IREB2: variants seen among roughly 807,000 people sequenced by gnomAD.
IREB2 encodes the protein iron-responsive element-binding protein 2.
Under a neutral mutation model 118.8 loss-of-function variants are expected in IREB2, and 39 were observed. The observed-to-expected ratio is 0.33, with a 90% CI of 0.25 to 0.43. The LOEUF is 0.43. Ranked by LOEUF, IREB2 falls within the 20% of genes least tolerant of loss-of-function variation. IREB2 has a pLI of 1.00. For missense variants in IREB2, 900 were observed against 1,147.3 expected, an observed-to-expected ratio of 0.78 and a Z score of 3.11; for synonymous variants, 372 against 392.2, an observed-to-expected ratio of 0.95 and a Z score of 0.61.
At chr15:78,440,849 C>T (rs1436156917) in intron 2 of IREB2, among the ~76,000 whole-genome samples, 1 of 152,180 alleles carries the variant, frequency 6.6e-6, no homozygotes, top group Non-Finnish European at 1.5e-5. Context: ...AAACCTTTCT[C>T]TGTGGTCTCA....
chr15:78,444,619 G>C (rs1567161347), intron 2 of IREB2, among the ~76,000 whole-genome samples: 1 of 152,108 alleles, frequency 6.6e-6, no homozygotes, highest in Non-Finnish European at 1.5e-5. Flanking sequence ...TTTTAGGAGA[G>C]TTTTTATCAT....
At chr15:78,469,894 TA>T (rs1158945203) in intron 5 of IREB2, among the ~76,000 whole-genome samples, 1 of 152,214 alleles carries the variant, frequency 6.6e-6, no homozygotes, top group Admixed American at 6.5e-5. Context: ...TAAAAATAAC[TA>T]TTAGATAAAA....
chr15:78,461,727 A>G (rs892351211), intron 2 of IREB2, among the ~76,000 whole-genome samples: 1 of 152,164 alleles, frequency 6.6e-6, no homozygotes, highest in Non-Finnish European at 1.5e-5. Context: ...GTGAAATAAC[A>G]AAAAAATACT....
At chr15:78,469,067 G>A (rs1281902262) in intron 5 of IREB2, among the ~76,000 whole-genome samples, 1 of 151,954 alleles carries the variant, frequency 6.6e-6, no homozygotes, top group African/African-American at 2.4e-5. Flanking sequence ...CCATAATTTT[G>A]ACTCCGAATT....
chr15:78,485,588 G>C (rs1596010580), intron 12 of IREB2, 117 bp from the exon 13 acceptor site: 2 of 1,058,248 alleles, frequency 1.9e-6, no homozygotes, highest in East Asian at 5.0e-5. Context: ...ATGACAGTAA[G>C]TTTATGAATT....
At chr15:78,495,810 G>A (rs1399767844) in intron 20 of IREB2, among the ~76,000 whole-genome samples, 1 of 152,136 alleles carries the variant, frequency 6.6e-6, no homozygotes, top group Non-Finnish European at 1.5e-5. Flanking sequence ...AAGATACACA[G>A]CATCTTTGTG....
chr15:78,449,800 G>A (rs1251918509), intron 2 of IREB2, among the ~76,000 whole-genome samples: 2 of 152,010 alleles, frequency 1.3e-5, no homozygotes, highest in South Asian at 2.1e-4. Context: ...GCAGACCTCA[G>A]CATTTTTTTT....
rs568311498 is a variant in IREB2, at chr15:78,439,178, C to G, written c.20-617C>G. On this transcript the variant is annotated intron_variant, in intron 1 of 21. Transcript: ENST00000258886. Reference sequence around the variant, plus strand: ...TAGTTCAGCTTCAGTTCGTGCAAAACCAGAAGACTTGTCTCTTTCGGGTAG... The same window carrying G: ...TAGTTCAGCTTCAGTTCGTGCAAAAGCAGAAGACTTGTCTCTTTCGGGTAG... Among the ~76,000 whole-genome samples the G allele has an allele frequency of 2.2e-4, 33 of 152,290 alleles. 1 individual carries two copies. Among genetic ancestry groups the G allele is most frequent in the Admixed American group, 1.6e-3 (25 of 15,304 alleles).
Position 78,473,230 on chromosome 15 carries a change from T to C in IREB2, c.884-12T>C. The C allele has an allele frequency of 6.2e-7, 1 of 1,611,950 alleles. No homozygotes were observed. Among genetic ancestry groups the C allele is most frequent in the Non-Finnish European group, 8.5e-7 (1 of 1,178,616 alleles). On this transcript the variant is annotated splice_polypyrimidine_tract_variant and intron_variant, in intron 7 of 21. Coordinates refer to ENST00000258886, the MANE Select transcript of IREB2 (RefSeq NM_004136.4). Reference sequence around the variant, plus strand: ...ATATACTGTGCTAATATACCTGTCTTTATTACGTTAGGGGTTGGAGGCATT... The same window carrying C: ...ATATACTGTGCTAATATACCTGTCTCTATTACGTTAGGGGTTGGAGGCATT...
upstream of IREB2, chr15:78,438,185 G>A (rs558423307): frequency 2.1e-5 from 13 of 631,016 alleles, no homozygotes; most frequent in South Asian, 2.4e-4. Flanking sequence ...CAGACCCGGG[G>A]CTGGCTCTGC....
intron 14 of IREB2, 27 bp downstream of exon 14, chr15:78,487,844 C>G: frequency 7.6e-7 from 1 of 1,309,676 alleles, no homozygotes. Context: ...GGCAAGACAT[C>G]TAAATGATTT....
At chr15:78,490,892 G>T in intron 18 of IREB2, 131 bp downstream of exon 18, 3 of 777,514 alleles carry the variant, frequency 3.9e-6, no homozygotes, top group Non-Finnish European at 2.0e-6. Context: ...CAATGTGTTT[G>T]TCTTAAGCAA....
chr15:78,462,875 A>G (rs373170408), intron 2 of IREB2, 47 bp from the exon 3 acceptor site: 445 of 1,366,680 alleles, frequency 3.3e-4, no homozygotes, highest in Non-Finnish European at 4.0e-4. Flanking sequence ...AAAATAATAT[A>G]TAGGTATGAC....
At chr15:78,476,145 A>G in intron 8 of IREB2, 43 bp from the exon 9 acceptor site, 1 of 1,437,996 alleles carries the variant, frequency 7.0e-7, no homozygotes, top group Non-Finnish European at 9.4e-7. Context: ...TGCTAATCTT[A>G]TCTTTGCAAT....
intron 20 of IREB2, among the ~76,000 whole-genome samples, chr15:78,496,887 G>T (rs1231655586): frequency 1.3e-5 from 2 of 152,144 alleles, no homozygotes; most frequent in Non-Finnish European, 2.9e-5. Flanking sequence ...GTAGGCAGCG[G>T]CAGTACTTAA....
chr15:78,483,901 C>A (rs1447537774), intron 11 of IREB2, among the ~76,000 whole-genome samples: 1 of 151,386 alleles, frequency 6.6e-6, no homozygotes, highest in African/African-American at 2.4e-5. Context: ...TCTCCTGCCT[C>A]AGCCCCCAAA....
Position 78,500,494 on chromosome 15 carries a change from C to T in IREB2, c.*2351C>T. ...TGTGGCATCTGTTAGTTTTTATTGT[C>T]TGTGTCTTCTTTGTTTACTATACCT... On this transcript the variant is annotated 3_prime_UTR_variant, in exon 22 of 22. Transcript: ENST00000258886. 7.1e-6 allele frequency: 1 copy of T among 141,742 alleles called. No homozygotes were observed. The highest frequency in any genetic ancestry group is 3.7e-3 in the Middle Eastern group (1 of 268). The allele number at this position is 141,742 out of a possible 1,614,324, so 8.8% of individuals were successfully genotyped here.
intron 3 of IREB2, among the ~76,000 whole-genome samples, 156 bp downstream of exon 3, chr15:78,463,243 AGTCT>A (rs1467904408): frequency 6.6e-6 from 1 of 152,196 alleles, no homozygotes; most frequent in Non-Finnish European, 1.5e-5. Flanking sequence ...GTTTGCAGTC[AGTCT>A]GGGCAACATA....
rs372287827 is a variant in IREB2, at chr15:78,470,644, C to G, written c.699+43C>G. 31 of 679,684 alleles carry G rather than the reference C, an allele frequency of 4.6e-5. No homozygotes were observed. In the East Asian group the frequency reaches 8.8e-4, roughly 19 times the overall value. The allele number at this position is 679,684 out of a possible 1,614,324, so 42.1% of individuals were successfully genotyped here. A position where few individuals can be genotyped will look rare whatever the true frequency, so the allele number is the denominator to read the frequency against. On this transcript the variant is annotated intron_variant, in intron 6 of 21. Coordinates refer to ENST00000258886, the MANE Select transcript of IREB2 (RefSeq NM_004136.4). Reference sequence around the variant, plus strand: ...AAATTTTTGTATTGTAATATATAAACTAATGATAGGTACAATTTTTATATC... The same window carrying G: ...AAATTTTTGTATTGTAATATATAAAGTAATGATAGGTACAATTTTTATATC...
Sources: gnomAD v4.1 joint callset for allele counts (sites outside exome capture counted in the v4.1 genomes callset) on GRCh38, gnomAD v4.1.1 for gene constraint, MANE v1.5 for transcripts, NCBI Gene and HGNC (gene_info 2026-07-23, HGNC 2026-07-21) for gene names.